The following YPEL2 variants were observed in gnomAD, a reference collection of about 807,000 sequenced individuals.
YPEL2 encodes yippee like 2, also known as protein yippee-like 2.
In YPEL2, 2 loss-of-function variants were observed where a neutral mutation model predicts 19.1. The observed-to-expected ratio is 0.10, with a 90% CI of 0.04 to 0.33. YPEL2 has a LOEUF of 0.33. Ranked by LOEUF, YPEL2 falls within the 10% of genes least tolerant of loss-of-function variation. The probability of loss-of-function intolerance (pLI) is 1.00; values close to 1 mark genes in which losing one functional copy is unlikely to be tolerated. For missense variants in YPEL2, 66 were observed against 140.7 expected (o/e 0.47, Z 2.68); for synonymous variants, 52 against 50.0 (o/e 1.04, Z -0.17).
Position 59,400,124 on chromosome 17 carries a change from G to A in YPEL2, c.*2934G>A, listed in dbSNP as rs1206451357. Reference sequence around the variant, plus strand: ...GGACATTAGTCTCAGGCTGCTGATGGATTGATTTGACATGAACCAAACACA... The same window carrying A: ...GGACATTAGTCTCAGGCTGCTGATGAATTGATTTGACATGAACCAAACACA... On this transcript the variant is annotated 3_prime_UTR_variant, in exon 5 of 5. Coordinates refer to ENST00000312655, the MANE Select transcript of YPEL2 (RefSeq NM_001005404.4). 6.6e-6 allele frequency: 1 copy of A among 152,614 alleles called. No individual in the cohort carries two copies. The highest frequency in any genetic ancestry group is 6.6e-5 in the Admixed American group (1 of 15,264). The allele number at this position is 152,614 out of a possible 1,614,324, so 9.5% of individuals were successfully genotyped here. A position where few individuals can be genotyped will look rare whatever the true frequency, so the allele number is the denominator to read the frequency against.
intron 1 of YPEL2, chr17:59,345,188 C>T (rs2047749983): frequency 6.6e-6 from 1 of 152,144 alleles, no homozygotes; most frequent in South Asian, 2.1e-4. Context: ...CTACATGGAA[C>T]CAGGACTTTA....
At chr17:59,359,239 T>C (rs2047828546) in intron 2 of YPEL2, among the ~76,000 whole-genome samples, 1 of 152,210 alleles carries the variant, frequency 6.6e-6, no homozygotes, top group Non-Finnish European at 1.5e-5. Flanking sequence ...GTGTTTTTAA[T>C]GTACAATAAA....
chr17:59,371,158 TC>T lies in YPEL2; in HGVS notation c.118-17167del, dbSNP rs1259541704. Among the ~76,000 whole-genome samples the T allele has an allele frequency of 2.0e-5, 3 of 152,260 alleles. No homozygotes were observed. The East Asian group carries it at 5.8e-4, about 29-fold the overall frequency. On this transcript the variant is annotated intron_variant, in intron 2 of 4. Coordinates refer to ENST00000312655, the MANE Select transcript of YPEL2 (RefSeq NM_001005404.4). The stretch of plus-strand genomic sequence containing the variant: ...CAAATACCCAGTCTCCTGTTTCACA[TC>T]CTTAGGCAAAGATCCCATGGCCAAG...
At chr17:59,372,060 G>GT (rs1390643731) in intron 2 of YPEL2, among the ~76,000 whole-genome samples, 1 of 152,136 alleles carries the variant, frequency 6.6e-6, no homozygotes. Flanking sequence ...CCAAGGAGAG[G>GT]TCCCCCATCA....
chr17:59,386,162 A>T (rs1028958378), intron 2 of YPEL2, among the ~76,000 whole-genome samples: 10 of 148,826 alleles, frequency 6.7e-5, no homozygotes, highest in Middle Eastern at 3.5e-3. Flanking sequence ...GTCTCTATAA[A>T]TTTTTTTTTT....
chr17:59,341,861 T>G (rs982721792), intron 1 of YPEL2, among the ~76,000 whole-genome samples: 2 of 152,102 alleles, frequency 1.3e-5, no homozygotes, highest in Admixed American at 6.6e-5. Flanking sequence ...CTCCTCCCTT[T>G]CCCACCCCAC....
intron 4 of YPEL2, among the ~76,000 whole-genome samples, chr17:59,395,337 T>TA (rs1158073792): frequency 6.6e-6 from 1 of 152,170 alleles, no homozygotes; most frequent in Non-Finnish European, 1.5e-5. Context: ...ACACAGTTGA[T>TA]ACAACGGTGA....
intron 2 of YPEL2, among the ~76,000 whole-genome samples, chr17:59,357,990 A>T (rs898331241): frequency 6.6e-6 from 1 of 152,180 alleles, no homozygotes; most frequent in South Asian, 2.1e-4. Flanking sequence ...CGCTATTGTT[A>T]TGTCAGATCT....
At chr17:59,373,937 T>A (rs927004318) in intron 2 of YPEL2, among the ~76,000 whole-genome samples, 2 of 152,222 alleles carry the variant, frequency 1.3e-5, no homozygotes, top group African/African-American at 4.8e-5. Context: ...AGAAAAGACT[T>A]GCTTTTTACG....
intron 1 of YPEL2, among the ~76,000 whole-genome samples, chr17:59,334,915 T>A (rs1041811711): frequency 6.6e-6 from 1 of 152,154 alleles, no homozygotes; most frequent in Non-Finnish European, 1.5e-5. Flanking sequence ...TGTCCCAGGA[T>A]TGGAAAAGCC....
chr17:59,396,822 G>A (rs1598057292), intron 4 of YPEL2, among the ~76,000 whole-genome samples: 2 of 152,156 alleles, frequency 1.3e-5, no homozygotes, highest in Non-Finnish European at 2.9e-5. Flanking sequence ...CCTGAGCTCC[G>A]GAGTTAGAGA....
chr17:59,349,459 C>T (rs1026630741), intron 1 of YPEL2, among the ~76,000 whole-genome samples: 3 of 149,936 alleles, frequency 2.0e-5, no homozygotes, highest in African/African-American at 7.4e-5. Context: ...CTCAGCCTCT[C>T]GAGTAGCTGG....
chr17:59,380,840 A>G (rs961628588), intron 2 of YPEL2, among the ~76,000 whole-genome samples: 2 of 152,242 alleles, frequency 1.3e-5, no homozygotes, highest in Non-Finnish European at 2.9e-5. Context: ...GGAAAGTATC[A>G]TTGGGAGCTT....
intron 2 of YPEL2, among the ~76,000 whole-genome samples, chr17:59,369,498 A>G (rs1257572465): frequency 1.3e-5 from 2 of 152,128 alleles, no homozygotes; most frequent in East Asian, 3.8e-4. Flanking sequence ...ATTTAAGGAG[A>G]CACTCACTCT....
At chr17:59,356,567 A>G (rs1001526479) in intron 2 of YPEL2, among the ~76,000 whole-genome samples, 5 of 152,240 alleles carry the variant, frequency 3.3e-5, no homozygotes, top group African/African-American at 4.8e-5. Context: ...CTTGCAATCA[A>G]TTGTCCAACT....
intron 1 of YPEL2, 59 bp downstream of exon 1, chr17:59,331,883 G>A (rs1336013246): frequency 6.6e-6 from 1 of 151,468 alleles, no homozygotes; most frequent in African/African-American, 2.4e-5. Context: ...CGCGCTGTCA[G>A]CTCGGGCTCT....
rs1012846220 is a variant in YPEL2, at chr17:59,358,590, T to G, written c.117+5064T>G. 5.4e-5 allele frequency among the ~76,000 whole-genome samples: 8 copies of G among 146,944 alleles called. 1 individual carries two copies. Among genetic ancestry groups the G allele is most frequent in the Middle Eastern group, 6.8e-3 (2 of 292 alleles). ...GTTCCCACGGCTCATCAGTTTGTGG[T>G]TTTTTTTTTGGTTGTTGTTTGTTTT... On this transcript the variant is annotated intron_variant, in intron 2 of 4. Transcript: ENST00000312655.
Position 59,401,656 on chromosome 17 carries a change from A to G in YPEL2, c.*4466A>G, listed in dbSNP as rs996934254. 6 of 152,676 alleles carry G rather than the reference A, an allele frequency of 3.9e-5. No homozygotes were observed. The highest frequency in any genetic ancestry group is 8.8e-5 in the Non-Finnish European group (6 of 68,046). 9.5% of individuals were successfully genotyped at this position (152,676 alleles called of 1,614,324 possible). On this transcript the variant is annotated 3_prime_UTR_variant, in exon 5 of 5. Transcript: ENST00000312655. ...TACATAGTGATTCAGTATTAGAGAA[A>G]AGTGCATTGTTTCTGTCATATTTCC...
chr17:59,362,886 C>A (rs569190243), intron 2 of YPEL2: 2 of 152,186 alleles, frequency 1.3e-5, no homozygotes, highest in Non-Finnish European at 2.9e-5. Flanking sequence ...TGACTAGAAT[C>A]CACTGTCATA....
Sources: gnomAD v4.1 joint callset for allele counts (sites outside exome capture counted in the v4.1 genomes callset) on GRCh38, gnomAD v4.1.1 for gene constraint, MANE v1.5 for transcripts, NCBI Gene and HGNC (gene_info 2026-07-23, HGNC 2026-07-21) for gene names.